The following RNF220 variants were observed in gnomAD, a reference collection of about 807,000 sequenced individuals.
RNF220 encodes the protein ring finger protein 220.
RNF220 carries 7 observed loss-of-function variants against 67.1 expected under a neutral mutation model. The observed-to-expected ratio is 0.10, with a 90% CI of 0.06 to 0.20. The LOEUF is 0.20. RNF220 is among the 10% of genes least tolerant of loss of function. RNF220 has a pLI of 1.00. For synonymous variants in RNF220, 270 were observed against 283.2 expected, an observed-to-expected ratio of 0.95 and a Z score of 0.47; for missense variants, 565 against 740.3, an observed-to-expected ratio of 0.76 and a Z score of 2.75.
Position 44,460,481 on chromosome 1 carries a change from A to G in RNF220, c.625+47759A>G, listed in dbSNP as rs190841317. 1.1e-4 allele frequency among the ~76,000 whole-genome samples: 17 copies of G among 152,348 alleles called. No homozygotes were observed. The East Asian group carries it at 3.3e-3, about 29-fold the overall frequency. On this transcript the variant is annotated intron_variant, in intron 2 of 14. Coordinates refer to ENST00000361799, the MANE Select transcript of RNF220 (RefSeq NM_018150.4). ...GTAACTATTTCAAGATGTTTGGCTG[A>G]AAAAATAAGATAAAAAATATGTCAG...
chr1:44,626,184 C>A, intron 4 of RNF220, 113 bp from the exon 5 acceptor site: 2 of 733,820 alleles, frequency 2.7e-6, no homozygotes, highest in Non-Finnish European at 2.3e-6. Context: ...CTTTCTATCC[C>A]TCAGCCTCCT....
chr1:44,529,826 G>A (rs532616261), intron 2 of RNF220, among the ~76,000 whole-genome samples: 5 of 152,192 alleles, frequency 3.3e-5, no homozygotes, highest in African/African-American at 4.8e-5. Flanking sequence ...CAAGGTGGGC[G>A]GATTGCCTGA....
chr1:44,496,587 G>C (rs967168338), intron 2 of RNF220, among the ~76,000 whole-genome samples: 1 of 152,190 alleles, frequency 6.6e-6, no homozygotes, highest in Non-Finnish European at 1.5e-5. Flanking sequence ...ATGCCCCGGC[G>C]TAGGAAAGGG....
intron 2 of RNF220, among the ~76,000 whole-genome samples, chr1:44,559,913 T>C (rs1159240872): frequency 6.6e-6 from 1 of 152,254 alleles, no homozygotes; most frequent in African/African-American, 2.4e-5. Context: ...TCCTGAGCTC[T>C]GAGCTCCCCC....
chr1:44,505,698 A>G (rs1029593466), intron 2 of RNF220, among the ~76,000 whole-genome samples: 1 of 152,188 alleles, frequency 6.6e-6, no homozygotes, highest in Non-Finnish European at 1.5e-5. Flanking sequence ...TAATTGCTTC[A>G]CTGCTGAGTG....
At chr1:44,432,145 A>G (rs1178069595) in intron 2 of RNF220, among the ~76,000 whole-genome samples, 2 of 152,086 alleles carry the variant, frequency 1.3e-5, no homozygotes, top group Non-Finnish European at 2.9e-5. Context: ...GTGTTTCCCC[A>G]TGTTAAAGCA....
rs370295919 is a variant in RNF220 at position 44,650,666 on chromosome 1, C to T, written c.1630-38C>T. 6.2e-7 allele frequency: 1 copy of T among 1,607,070 alleles called. No individual in the cohort carries two copies. The highest frequency in any genetic ancestry group is 1.3e-5 in the African/African-American group (1 of 74,776). ...GGTGCTCACATGCGCACACATGGCTCATTGTGTAGACCAGAGCCCTCCCTG... is the reference window on the plus strand; with the variant it reads ...GGTGCTCACATGCGCACACATGGCTTATTGTGTAGACCAGAGCCCTCCCTG... On this transcript the variant is annotated intron_variant, in intron 14 of 14. Transcript: ENST00000361799. This position sits in a 1 kb window ranked among gnomAD's most constrained non-coding sequence, Gnocchi z 4.3.
chr1:44,589,607 G>C (rs1267885366), intron 2 of RNF220, among the ~76,000 whole-genome samples: 18 of 103,796 alleles, frequency 1.7e-4, no homozygotes, highest in African/African-American at 4.5e-4. Flanking sequence ...GAGCGAGACT[G>C]CATCTCAAAA....
intron 2 of RNF220, chr1:44,572,993 G>C: frequency 2.4e-6 from 1 of 411,436 alleles, no homozygotes; most frequent in Admixed American, 2.6e-5. Flanking sequence ...AGTTCTCGAG[G>C]CCCTCAAAGA....
At chr1:44,517,277 C>T (rs137893563) in intron 2 of RNF220, among the ~76,000 whole-genome samples, 9 of 152,228 alleles carry the variant, frequency 5.9e-5, no homozygotes, top group Non-Finnish European at 1.0e-4. Flanking sequence ...TAATCCTTAA[C>T]GCGGCAAGAC....
At chr1:44,630,604 G>A (rs1644088206) in intron 5 of RNF220, among the ~76,000 whole-genome samples, 2 of 146,616 alleles carry the variant, frequency 1.4e-5, no homozygotes, top group African/African-American at 5.1e-5. Flanking sequence ...AAATATACAT[G>A]ATCAAAGAGA....
chr1:44,427,523 A>G (rs150487900), intron 2 of RNF220, among the ~76,000 whole-genome samples: 4 of 152,290 alleles, frequency 2.6e-5, no homozygotes, highest in Non-Finnish European at 4.4e-5. Context: ...TGTTCCTAGT[A>G]CCCAGTGCGT....
intron 2 of RNF220, among the ~76,000 whole-genome samples, chr1:44,526,073 G>A (rs540026156): frequency 2.3e-4 from 35 of 152,098 alleles, no homozygotes; most frequent in South Asian, 6.2e-4. Flanking sequence ...GAATTTCTTC[G>A]TGCCATTTCC....
chr1:44,539,500 C>A (rs1298487519), intron 2 of RNF220, among the ~76,000 whole-genome samples: 3 of 152,162 alleles, frequency 2.0e-5, no homozygotes, highest in African/African-American at 7.2e-5. Flanking sequence ...ATTCACGTAG[C>A]CTGGAGCCCA....
At chr1:44,512,722 G>A (rs1382877738) in intron 2 of RNF220, among the ~76,000 whole-genome samples, 1 of 152,226 alleles carries the variant, frequency 6.6e-6, no homozygotes, top group Non-Finnish European at 1.5e-5. Context: ...GGCAGGAGTG[G>A]AGAGGCATGC....
intron 5 of RNF220, among the ~76,000 whole-genome samples, chr1:44,631,469 G>A (rs1427532147): frequency 4.6e-5 from 7 of 152,242 alleles, no homozygotes; most frequent in African/African-American, 1.7e-4. Flanking sequence ...GAAGGCCTCT[G>A]TTTGGAGGAT....
intron 8 of RNF220, among the ~76,000 whole-genome samples, chr1:44,642,411 C>T (rs762513683): frequency 6.6e-6 from 1 of 152,174 alleles, no homozygotes; most frequent in Non-Finnish European, 1.5e-5. Context: ...AGCAGCTGCT[C>T]TGTGTGGGCA....
chr1:44,407,229 A>G (rs1647431723), intron 1 of RNF220, among the ~76,000 whole-genome samples: 1 of 152,118 alleles, frequency 6.6e-6, no homozygotes, highest in Non-Finnish European at 1.5e-5. Flanking sequence ...CAGCAGCCAC[A>G]TCTTGCCTCT....
intron 2 of RNF220, among the ~76,000 whole-genome samples, chr1:44,470,460 TA>T (rs1374180748): frequency 1.3e-5 from 2 of 152,136 alleles, no homozygotes; most frequent in Non-Finnish European, 2.9e-5. Context: ...TATTTATGTG[TA>T]AAAAAGAAAA....
Sources: allele counts gnomAD v4.1 joint callset (sites outside exome capture counted in the v4.1 genomes callset), GRCh38; gene constraint gnomAD v4.1.1; non-coding constraint Gnocchi (gnomAD v3.1); transcripts MANE v1.5; gene names NCBI Gene and HGNC (gene_info 2026-07-23, HGNC 2026-07-21).